The following FKBP5 variants were observed in gnomAD, a reference collection of about 807,000 sequenced individuals.
The protein encoded by FKBP5 is peptidyl-prolyl cis-trans isomerase FKBP5.
Under a neutral mutation model 50.5 loss-of-function variants are expected in FKBP5, and 23 were observed. The ratio of observed to expected loss-of-function variants is 0.46; its 90% CI spans 0.33 to 0.65. The LOEUF is 0.65. Ranked by LOEUF, FKBP5 falls within the 30% of genes least tolerant of loss-of-function variation. The pLI, the probability that FKBP5 is intolerant of heterozygous loss-of-function variation, is 0.02. For synonymous variants in FKBP5, 176 were observed against 190.6 expected, an observed-to-expected ratio of 0.92 and a Z score of 0.63; for missense variants, 411 against 553.1, an observed-to-expected ratio of 0.74 and a Z score of 2.58.
At chr6:35,715,690 G>A (rs1233500818) in intron 2 of FKBP5, among the ~76,000 whole-genome samples, 2 of 152,206 alleles carry the variant, frequency 1.3e-5, no homozygotes, top group African/African-American at 2.4e-5. Context: ...GGCAGGCTGC[G>A]AGTTGCATGC....
rs1762513864 is a variant in FKBP5 at position 35,583,712 on chromosome 6, A to G, written c.840+3322T>C. 4.2e-6 allele frequency: 4 copies of G among 943,752 alleles called. No homozygotes were observed. In the South Asian group the frequency reaches 2.0e-4, roughly 46 times the overall value. The allele number at this position is 943,752 out of a possible 1,614,324, so 58.5% of individuals were successfully genotyped here. On this transcript the variant is annotated intron_variant, in intron 8 of 10. Transcript: ENST00000357266. ...TCTACAATGCACAAGACAGCCCCACACAATCAAGAATTATCCCACTCCAAA... is the reference window on the plus strand; with the variant it reads ...TCTACAATGCACAAGACAGCCCCACGCAATCAAGAATTATCCCACTCCAAA...
chr6:35,593,898 TA>T (rs1425958256), intron 6 of FKBP5, among the ~76,000 whole-genome samples: 1 of 151,420 alleles, frequency 6.6e-6, no homozygotes, highest in Non-Finnish European at 1.5e-5. Context: ...GACAGAAACA[TA>T]AGGAAAGGAC....
chr6:35,650,085 G>A (rs1008635683), intron 1 of FKBP5, among the ~76,000 whole-genome samples: 3 of 152,080 alleles, frequency 2.0e-5, no homozygotes, highest in African/African-American at 4.8e-5. Context: ...AATGCCAGGC[G>A]CAGTGGCTCA....
At chr6:35,624,207 G>A (rs1278439181) in intron 3 of FKBP5, among the ~76,000 whole-genome samples, 2 of 152,178 alleles carry the variant, frequency 1.3e-5, no homozygotes, top group Admixed American at 6.5e-5. Flanking sequence ...GGACCTCAGT[G>A]CTGTTTGAAG....
intron 1 of FKBP5, among the ~76,000 whole-genome samples, chr6:35,669,069 C>A (rs558894316): frequency 6.6e-6 from 1 of 152,220 alleles, no homozygotes; most frequent in South Asian, 2.1e-4. Flanking sequence ...TAATCATTTT[C>A]TTCTCAACTC....
chr6:35,700,255 G>A (rs779134859), intron 2 of FKBP5, among the ~76,000 whole-genome samples: 2 of 151,956 alleles, frequency 1.3e-5, no homozygotes, highest in Non-Finnish European at 2.9e-5. Flanking sequence ...TTGCCTCCTG[G>A]GTTCAAGCGA....
At position 35,575,770 on chromosome 6, in the gene FKBP5, A is replaced by C. The variant is rs1347421693; in HGVS notation, c.*65T>G. 20 of 1,033,224 alleles carry C rather than the reference A, an allele frequency of 1.9e-5. No homozygotes were observed. In the East Asian group the frequency reaches 4.3e-4, roughly 22 times the overall value. The allele number at this position is 1,033,224 out of a possible 1,614,324, so 64.0% of individuals were successfully genotyped here. On this transcript the variant is annotated 3_prime_UTR_variant, in exon 11 of 11. Transcript: ENST00000357266. The stretch of plus-strand genomic sequence containing the variant: ...TTACATTAAACACTGTTCTGTCCTG[A>C]GTTGGGGGAAAGCCCATTGAGGAGG...
Position 35,683,118 on chromosome 6 carries a change from A to ATGTG in FKBP5, c.-20+5685_-20+5686insCACA, listed in dbSNP as rs1269365673. ...AAAGTGTGTGTGTATATATATACGT[A>ATGTG]TATGTGTGTGTGTGTGTGTGTGTGT... On this transcript the variant is annotated intron_variant, in intron 1 of 10. Transcript: ENST00000357266. Among the ~76,000 whole-genome samples, 360 of 108,828 alleles carry ATGTG rather than the reference A, an allele frequency of 3.3e-3. 27 individuals are homozygous for ATGTG. The highest frequency in any genetic ancestry group is 4.6e-3 in the Middle Eastern group (1 of 216). The allele number at this position is 108,828 out of a possible 152,430, so 71.4% of individuals were successfully genotyped here.
rs112788083 is a variant in FKBP5, at chr6:35,575,601, C to T, written c.*234G>A. The T allele has an allele frequency of 3.5e-3, 1,778 of 512,882 alleles. 15 individuals are homozygous for T. Among genetic ancestry groups the T allele is most frequent in the African/African-American group, 0.024 (1,273 of 52,530 alleles). The allele number at this position is 512,882 out of a possible 1,614,324, so 31.8% of individuals were successfully genotyped here. A position where few individuals can be genotyped will look rare whatever the true frequency, so the allele number is the denominator to read the frequency against. On this transcript the variant is annotated 3_prime_UTR_variant, in exon 11 of 11. Transcript: ENST00000357266. ...TTAAGCTGCTGGCTCACTCCCTCCACACCACAGTCATTTCTGTTTGTTCCA... is the reference window on the plus strand; with the variant it reads ...TTAAGCTGCTGGCTCACTCCCTCCATACCACAGTCATTTCTGTTTGTTCCA...
At chr6:35,662,704 A>T (rs1765105456) in intron 1 of FKBP5, among the ~76,000 whole-genome samples, 1 of 152,198 alleles carries the variant, frequency 6.6e-6, no homozygotes, top group Admixed American at 6.5e-5. Context: ...TAATTACAGT[A>T]AATTTGTTTT....
At chr6:35,721,908 C>CT (rs1766617269) in intron 1 of FKBP5, among the ~76,000 whole-genome samples, 1 of 152,212 alleles carries the variant, frequency 6.6e-6, no homozygotes, top group Admixed American at 6.5e-5. Flanking sequence ...TGAACTCAGC[C>CT]TTTTTTCTAA....
chr6:35,721,586 G>T (rs923139901), intron 1 of FKBP5, among the ~76,000 whole-genome samples: 3 of 152,050 alleles, frequency 2.0e-5, no homozygotes, highest in Non-Finnish European at 4.4e-5. Context: ...CTCCCGAGCA[G>T]CTGGGACCAC....
chr6:35,604,293 G>A lies in FKBP5; in HGVS notation c.509-6889C>T, dbSNP rs573108511. Reference sequence around the variant, plus strand: ...CGAAGTGTTGGGATTACAAGCGTGAGCCACCATGGCTGGCCAGAAAGACTT... The same window carrying A: ...CGAAGTGTTGGGATTACAAGCGTGAACCACCATGGCTGGCCAGAAAGACTT... On this transcript the variant is annotated intron_variant, in intron 5 of 10. Coordinates refer to ENST00000357266, the MANE Select transcript of FKBP5 (RefSeq NM_004117.4). Among the ~76,000 whole-genome samples the A allele has an allele frequency of 1.3e-3, 203 of 152,284 alleles. 1 individual carries two copies. The highest frequency in any genetic ancestry group is 4.7e-3 in the African/African-American group (197 of 41,558).
At chr6:35,655,221 C>A (rs1764915446) in intron 1 of FKBP5, among the ~76,000 whole-genome samples, 1 of 152,044 alleles carries the variant, frequency 6.6e-6, no homozygotes, top group African/African-American at 2.4e-5. Flanking sequence ...TAAGTAGGAG[C>A]CATTCACTTA....
At chr6:35,584,714 C>T (rs1003173259) in intron 8 of FKBP5, 8 of 985,316 alleles carry the variant, frequency 8.1e-6, no homozygotes, top group Non-Finnish European at 9.6e-6. Context: ...GGAGAAAAGT[C>T]TCAGGTCAGT....
chr6:35,583,957 T>C (rs1418037084), intron 8 of FKBP5: 3 of 985,312 alleles, frequency 3.0e-6, no homozygotes, highest in Non-Finnish European at 1.2e-6. Flanking sequence ...TCTCCTCAAC[T>C]AGTTTGTTTT....
Position 35,608,724 on chromosome 6 carries a change from T to A in FKBP5, c.508+10372A>T, listed in dbSNP as rs142359398. Reference sequence around the variant, plus strand: ...TAAAAAAGAAAATAATCTTAGACAATTTTGCCTTCCCCTCTTCATTTCCTA... The same window carrying A: ...TAAAAAAGAAAATAATCTTAGACAAATTTGCCTTCCCCTCTTCATTTCCTA... On this transcript the variant is annotated intron_variant, in intron 5 of 10. Coordinates refer to ENST00000357266, the MANE Select transcript of FKBP5 (RefSeq NM_004117.4). Among the ~76,000 whole-genome samples the A allele has an allele frequency of 3.2e-3, 494 of 152,216 alleles. 4 individuals carry two copies. The highest frequency in any genetic ancestry group is 8.1e-3 in the African/African-American group (336 of 41,550).
chr6:35,578,769 A>AG (rs1762314784), intron 9 of FKBP5, among the ~76,000 whole-genome samples: 1 of 15,306 alleles, frequency 6.5e-5, no homozygotes, highest in African/African-American at 1.5e-4. Flanking sequence ...CTCCATCTCC[A>AG]AAAAAAAAAA....
At position 35,647,107 on chromosome 6, in the gene FKBP5, C is replaced by T. The variant is rs188632512; in HGVS notation, c.-19-4264G>A. Among the ~76,000 whole-genome samples the T allele has an allele frequency of 7.2e-3, 1,093 of 152,184 alleles. 8 individuals carry two copies. Among genetic ancestry groups the T allele is most frequent in the Non-Finnish European group, 0.012 (813 of 68,006 alleles). ...TCTTTGGTAAACTTATTTTTCTTCTCGGAACAAATAATTACTGAAGAAAAC... is the reference window on the plus strand; with the variant it reads ...TCTTTGGTAAACTTATTTTTCTTCTTGGAACAAATAATTACTGAAGAAAAC... On this transcript the variant is annotated intron_variant, in intron 1 of 10. Transcript: ENST00000357266.
Sources: allele counts gnomAD v4.1 joint callset (sites outside exome capture counted in the v4.1 genomes callset), GRCh38; gene constraint gnomAD v4.1.1; transcripts MANE v1.5; gene names NCBI Gene and HGNC (gene_info 2026-07-23, HGNC 2026-07-21).